Variants in TCERG1L observed in about 807,000 individuals in gnomAD.
The protein encoded by TCERG1L is transcription elongation regulator 1 like.
TCERG1L carries 37 observed loss-of-function variants against 56.3 expected under a neutral mutation model. The ratio of observed to expected loss-of-function variants is 0.66; its 90% confidence interval spans 0.51 to 0.87. The LOEUF (loss-of-function observed/expected upper bound fraction) is 0.87. TCERG1L is among the 40% of genes least tolerant of loss of function. The pLI is 0.00. For synonymous variants in TCERG1L, 324 were observed against 326.3 expected, an observed-to-expected ratio of 0.99 and a Z score of 0.08; for missense variants, 799 against 774.2, an observed-to-expected ratio of 1.03 and a Z score of -0.38.
intron 4 of TCERG1L, among the ~76,000 whole-genome samples, chr10:131,256,296 T>C (rs1378771813): frequency 6.7e-6 from 1 of 150,126 alleles, no homozygotes; most frequent in Non-Finnish European, 1.5e-5. Flanking sequence ...CGTGGTAGAA[T>C]TCTGGCTTGG....
intron 9 of TCERG1L, among the ~76,000 whole-genome samples, chr10:131,114,946 C>T (rs1209359756): frequency 6.6e-6 from 1 of 152,208 alleles, no homozygotes; most frequent in African/African-American, 2.4e-5. Context: ...GAATTACGGC[C>T]ATTTCCACAA....
intron 7 of TCERG1L, 55 bp from the exon 8 acceptor site, chr10:131,134,503 A>G: frequency 7.1e-7 from 1 of 1,417,226 alleles, no homozygotes; most frequent in Non-Finnish European, 9.8e-7. Context: ...GGGCTTTGGC[A>G]AAACCACCAG....
intron 7 of TCERG1L, among the ~76,000 whole-genome samples, chr10:131,134,750 C>G (rs576665152): frequency 6.6e-6 from 1 of 152,150 alleles, no homozygotes; most frequent in Non-Finnish European, 1.5e-5. Context: ...CTCTGCTCAG[C>G]CTCAAGACGA....
chr10:131,183,799 C>T (rs1003394760), intron 4 of TCERG1L, among the ~76,000 whole-genome samples: 5 of 152,222 alleles, frequency 3.3e-5, no homozygotes, highest in Non-Finnish European at 7.3e-5. Context: ...CATTGCTCTT[C>T]TTCTTACACG....
At chr10:131,166,218 A>G (rs1365443393) in intron 5 of TCERG1L, among the ~76,000 whole-genome samples, 1 of 152,218 alleles carries the variant, frequency 6.6e-6, no homozygotes, top group Non-Finnish European at 1.5e-5. Context: ...AGTAAGAGAT[A>G]ATGTTGACAA....
At position 131,093,077 on chromosome 10, in the gene TCERG1L, A is replaced by G; in HGVS notation, c.*85T>C. The G allele has an allele frequency of 6.8e-7, 1 of 1,464,532 alleles. No homozygotes were observed. Among genetic ancestry groups the G allele is most frequent in the Non-Finnish European group, 9.2e-7 (1 of 1,089,928 alleles). The allele number at this position is 1,464,532 out of a possible 1,614,324, so 90.7% of individuals were successfully genotyped here. On this transcript the variant is annotated 3_prime_UTR_variant, in exon 12 of 12. Coordinates refer to ENST00000368642, the MANE Select transcript of TCERG1L (RefSeq NM_174937.4). ...GGGCCGTGCAGGTCTCGGCCGCCCC[A>G]CGCCCGTGTCCGTCTCCACCGTGAC... is the stretch of plus-strand genomic sequence containing the variant.
intron 4 of TCERG1L, among the ~76,000 whole-genome samples, chr10:131,223,746 G>C (rs1589753729): frequency 6.6e-6 from 1 of 151,608 alleles, no homozygotes; most frequent in Middle Eastern, 3.2e-3. Context: ...GAAGCCTCTG[G>C]GGTCCATCAC....
rs139783804 is a variant in TCERG1L at position 131,196,424 on chromosome 10, G to A, written c.857-29539C>T. On this transcript the variant is annotated intron_variant, in intron 4 of 11. Transcript: ENST00000368642. Reference sequence around the variant, plus strand: ...AGAGAAAGAGGATTCAGGATGCCAGGATACCCCAGGCCAAGGGATGCCAGC... The same window carrying A: ...AGAGAAAGAGGATTCAGGATGCCAGAATACCCCAGGCCAAGGGATGCCAGC... 4.4e-4 allele frequency among the ~76,000 whole-genome samples: 67 copies of A among 152,290 alleles called. 1 individual carries two copies. The highest frequency in any genetic ancestry group is 6.8e-3 in the Middle Eastern group (2 of 294).
At chr10:131,206,977 A>AG (rs1845538491) in intron 4 of TCERG1L, among the ~76,000 whole-genome samples, 1 of 152,054 alleles carries the variant, frequency 6.6e-6, no homozygotes, top group Admixed American at 6.5e-5. Context: ...ATTCTCAAAT[A>AG]GGCCTTTCTT....
chr10:131,279,131 C>T (rs1328432169), intron 3 of TCERG1L, among the ~76,000 whole-genome samples: 1 of 152,188 alleles, frequency 6.6e-6, no homozygotes, highest in Non-Finnish European at 1.5e-5. Flanking sequence ...CTACCTAGTT[C>T]ATGGGAGCCC....
intron 4 of TCERG1L, among the ~76,000 whole-genome samples, chr10:131,252,307 T>C (rs1846120646): frequency 6.6e-6 from 1 of 152,134 alleles, no homozygotes; most frequent in Non-Finnish European, 1.5e-5. Flanking sequence ...TGCCACACGG[T>C]TGTCCACAGC....
At chr10:131,208,529 G>T (rs1384998274) in intron 4 of TCERG1L, among the ~76,000 whole-genome samples, 2 of 152,154 alleles carry the variant, frequency 1.3e-5, no homozygotes, top group African/African-American at 4.8e-5. Flanking sequence ...ACAGATTTTC[G>T]TAGCTGCAGT....
intron 4 of TCERG1L, among the ~76,000 whole-genome samples, chr10:131,226,116 T>C (rs1003389889): frequency 1.3e-5 from 2 of 152,030 alleles, no homozygotes; most frequent in African/African-American, 4.8e-5. Context: ...TTTTAAATAG[T>C]TTCTTTTAGA....
At chr10:131,208,320 C>T (rs2133484790) in intron 4 of TCERG1L, among the ~76,000 whole-genome samples, 1 of 152,308 alleles carries the variant, frequency 6.6e-6, no homozygotes, top group East Asian at 1.9e-4. Context: ...ACCCTCTGGC[C>T]ACAGAGTGCG....
intron 3 of TCERG1L, among the ~76,000 whole-genome samples, chr10:131,290,148 TCTC>T (rs1244557513): frequency 1.0e-5 from 1 of 98,852 alleles, no homozygotes; most frequent in African/African-American, 3.6e-5. Context: ...ACTGCCTCCA[TCTC>T]CTATCGGTGT....
chr10:131,219,640 G>A (rs1845708346), intron 4 of TCERG1L, among the ~76,000 whole-genome samples: 1 of 152,226 alleles, frequency 6.6e-6, no homozygotes, highest in African/African-American at 2.4e-5. Flanking sequence ...CCCCAGGGAA[G>A]GTTGCCCGGC....
chr10:131,235,452 T>A (rs925667789), intron 4 of TCERG1L, among the ~76,000 whole-genome samples: 2 of 152,142 alleles, frequency 1.3e-5, no homozygotes, highest in African/African-American at 2.4e-5. Context: ...TCTAGGAGTC[T>A]CTCCTCAAGA....
chr10:131,302,391 G>A (rs952803281), intron 3 of TCERG1L, among the ~76,000 whole-genome samples: 12 of 151,106 alleles, frequency 7.9e-5, no homozygotes, highest in Non-Finnish European at 1.6e-4. Context: ...CATCAGATGG[G>A]TTTTATTTAA....
At chr10:131,210,653 G>A (rs754035344) in intron 4 of TCERG1L, among the ~76,000 whole-genome samples, 17 of 152,200 alleles carry the variant, frequency 1.1e-4, no homozygotes, top group Non-Finnish European at 2.1e-4. Flanking sequence ...CTGTCCCGCA[G>A]GCCCGCCCTA....
Sources: allele counts gnomAD v4.1 joint callset (sites outside exome capture counted in the v4.1 genomes callset), GRCh38; gene constraint gnomAD v4.1.1; transcripts MANE v1.5; gene names NCBI Gene and HGNC (gene_info 2026-07-23, HGNC 2026-07-21).